RBMS3: variants seen among roughly 807,000 people sequenced by gnomAD.
RBMS3 encodes RNA binding motif single stranded interacting protein 3.
RBMS3 carries 27 observed loss-of-function variants against 66.8 expected under a neutral mutation model. That is an observed-to-expected ratio of 0.40 (90% confidence interval 0.30 to 0.56). The LOEUF is 0.56. RBMS3 is among the 20% of genes least tolerant of loss of function. The probability of loss-of-function intolerance (pLI) is 0.40; values close to 1 mark genes in which losing one functional copy is unlikely to be tolerated. For synonymous variants in RBMS3, 188 were observed against 183.0 expected (o/e 1.03, Z -0.22); for missense variants, 513 against 549.5 (o/e 0.93, Z 0.66).
intron 3 of RBMS3, among the ~76,000 whole-genome samples, chr3:29,496,259 C>G (rs553094263): frequency 1.3e-5 from 2 of 149,600 alleles, no homozygotes; most frequent in Non-Finnish European, 3.0e-5. Context: ...AATTATATTT[C>G]TCTTTGGAAT....
At chr3:29,767,205 A>G (rs1462045579) in intron 6 of RBMS3, 1 of 152,006 alleles carries the variant, frequency 6.6e-6, no homozygotes, top group Non-Finnish European at 1.5e-5. Context: ...ATGATACACC[A>G]TGCGGAAAAG....
In RBMS3 at chr3:29,868,941, A is replaced by G; in HGVS notation, c.721A>G (p.Arg241Gly). The G allele has an allele frequency of 6.2e-7, 1 of 1,600,132 alleles. No homozygotes were observed. The highest frequency in any genetic ancestry group is 8.5e-7 in the Non-Finnish European group (1 of 1,172,344). The change falls in exon 7 of 15, where the codon AGG becomes GGG. Residue 241 changes from arginine (R) to glycine (G), a missense_variant. Physicochemically the swap from Arg to Gly is moderately radical, Grantham distance 125 (BLOSUM62 -2). Coordinates refer to ENST00000383767, the MANE Select transcript of RBMS3 (RefSeq NM_001003793.3). ...TCAAAGCAAATATACCCAGAATGGG[A>G]GGCCTTGGCCCAGGGAAGGAGAGGT... is the stretch of plus-strand genomic sequence containing the variant. ...QNQSKYTQNGRPWPREGEAGM... is the reference protein window; with the variant it reads ...QNQSKYTQNGGPWPREGEAGM...
chr3:29,812,792 G>A (rs992903594), intron 6 of RBMS3, among the ~76,000 whole-genome samples: 3 of 152,192 alleles, frequency 2.0e-5, no homozygotes, highest in Admixed American at 1.3e-4. Flanking sequence ...TCTGGGTGAT[G>A]GAAAGACGAT....
At position 29,350,037 on chromosome 3, in the gene RBMS3, G is replaced by T. The variant is rs140624169; in HGVS notation, c.75+68281G>T. Among the ~76,000 whole-genome samples, 859 of 151,988 alleles carry T rather than the reference G, an allele frequency of 5.7e-3. 7 individuals carry two copies. The highest frequency in any genetic ancestry group is 0.051 in the Middle Eastern group (15 of 294). On this transcript the variant is annotated intron_variant, in intron 1 of 14. Coordinates refer to ENST00000383767, the MANE Select transcript of RBMS3 (RefSeq NM_001003793.3). ...TAGCTGGGCATGGTGGCACATGCCT[G>T]TAATCCCAGCTACTCGGGCGGCTGA...
intron 6 of RBMS3, among the ~76,000 whole-genome samples, chr3:29,805,099 T>C (rs1273769739): frequency 1.3e-5 from 2 of 152,048 alleles, no homozygotes; most frequent in African/African-American, 4.8e-5. Flanking sequence ...ATGCATTGCA[T>C]AACAACCTCT....
intron 12 of RBMS3, among the ~76,000 whole-genome samples, chr3:29,948,109 C>T (rs1255819053): frequency 6.6e-6 from 1 of 151,646 alleles, no homozygotes; most frequent in Non-Finnish European, 1.5e-5. Context: ...TAAGTGTTAT[C>T]AGTACAACTT....
intron 2 of RBMS3, among the ~76,000 whole-genome samples, chr3:29,447,295 CT>C (rs1401170783): frequency 6.6e-6 from 1 of 152,032 alleles, no homozygotes; most frequent in East Asian, 1.9e-4. Flanking sequence ...AAGATAGATG[CT>C]TAAATAATAT....
At chr3:29,797,612 T>G (rs1031270008) in intron 6 of RBMS3, 1 of 152,196 alleles carries the variant, frequency 6.6e-6, no homozygotes, top group African/African-American at 2.4e-5. Flanking sequence ...TATCCCGACT[T>G]TTGACATGCC....
intron 12 of RBMS3, among the ~76,000 whole-genome samples, chr3:29,948,910 A>G (rs1299304647): frequency 6.6e-6 from 1 of 151,724 alleles, no homozygotes; most frequent in African/African-American, 2.4e-5. Flanking sequence ...ACAGAGTAAA[A>G]GGTTATAAAG....
At position 29,918,043 on chromosome 3, in the gene RBMS3, C is replaced by T. The variant is rs1013382548; in HGVS notation, c.940-18043C>T. Among the ~76,000 whole-genome samples the T allele has an allele frequency of 5.3e-4, 81 of 152,214 alleles. 1 individual carries two copies. Among genetic ancestry groups the T allele is most frequent in the African/African-American group, 1.9e-3 (78 of 41,544 alleles). On this transcript the variant is annotated intron_variant, in intron 10 of 14. Coordinates refer to ENST00000383767, the MANE Select transcript of RBMS3 (RefSeq NM_001003793.3). The stretch of plus-strand genomic sequence containing the variant: ...GTATTTATGGATGAAGGAAGTGAAG[C>T]TCAGAGAGGTTAATTGTCATCACTA...
intron 5 of RBMS3, among the ~76,000 whole-genome samples, chr3:29,740,780 G>A (rs1327249450): frequency 6.6e-6 from 1 of 152,108 alleles, no homozygotes; most frequent in Non-Finnish European, 1.5e-5. Flanking sequence ...GGTGGCTGAC[G>A]CCTGTAATCT....
At chr3:29,943,938 C>T (rs545733259) in intron 11 of RBMS3, among the ~76,000 whole-genome samples, 1 of 151,734 alleles carries the variant, frequency 6.6e-6, no homozygotes, top group Non-Finnish European at 1.5e-5. Flanking sequence ...AGGGAGGTAC[C>T]AAACAGGCTG....
intron 2 of RBMS3, among the ~76,000 whole-genome samples, chr3:29,439,663 T>C (rs1329768740): frequency 6.6e-6 from 1 of 152,010 alleles, no homozygotes; most frequent in Non-Finnish European, 1.5e-5. Flanking sequence ...AATGTGCAGG[T>C]TAGTTACACA....
At chr3:29,385,672 T>C (rs1288860664) in intron 1 of RBMS3, among the ~76,000 whole-genome samples, 1 of 152,190 alleles carries the variant, frequency 6.6e-6, no homozygotes, top group Non-Finnish European at 1.5e-5. Context: ...GCCATATTCT[T>C]GGAAATTTTT....
intron 4 of RBMS3, among the ~76,000 whole-genome samples, chr3:29,643,925 C>A (rs962520469): frequency 6.6e-6 from 1 of 152,156 alleles, no homozygotes; most frequent in Non-Finnish European, 1.5e-5. Context: ...TCTCTGAAAA[C>A]CTCCGTTTAG....
intron 1 of RBMS3, among the ~76,000 whole-genome samples, chr3:29,328,443 A>T (rs2035465895): frequency 1.3e-5 from 2 of 152,172 alleles, no homozygotes; most frequent in African/African-American, 4.8e-5. Flanking sequence ...TTTCAATTCC[A>T]CCATCCCTAC....
chr3:29,562,784 C>G (rs2046602637), intron 3 of RBMS3, among the ~76,000 whole-genome samples: 1 of 152,192 alleles, frequency 6.6e-6, no homozygotes, highest in African/African-American at 2.4e-5. Context: ...CTAACCCATA[C>G]TCACTCATCA....
chr3:29,344,575 G>A (rs6806932), intron 1 of RBMS3, among the ~76,000 whole-genome samples: 47,211 of 151,642 alleles, frequency 0.31, 7,616 homozygotes, highest in African/African-American at 0.39. Context: ...TCCCTTTTTT[G>A]AGGATAATGT....
intron 4 of RBMS3, among the ~76,000 whole-genome samples, chr3:29,636,720 C>T (rs142266890): frequency 8.6e-5 from 13 of 151,972 alleles, no homozygotes; most frequent in African/African-American, 1.7e-4. Flanking sequence ...AATGTATTTG[C>T]GCAGCACGAC....
Sources: allele counts gnomAD v4.1 joint callset (sites outside exome capture counted in the v4.1 genomes callset), GRCh38; gene constraint gnomAD v4.1.1; transcripts MANE v1.5; gene names NCBI Gene and HGNC (gene_info 2026-07-23, HGNC 2026-07-21).